The following PUS10 variants were observed in gnomAD, a reference collection of about 807,000 sequenced individuals.
PUS10 encodes tRNA pseudouridine synthase Pus10.
In PUS10, 59 loss-of-function variants were observed where a neutral mutation model predicts 75.0. That is an observed-to-expected ratio of 0.79 (90% CI 0.64 to 0.98). The LOEUF is 0.98. Ranked by LOEUF, PUS10 falls within the 50% of genes least tolerant of loss-of-function variation. The pLI is 0.00. For missense variants in PUS10, 650 were observed against 614.4 expected, an observed-to-expected ratio of 1.06 and a Z score of -0.61; for synonymous variants, 219 against 211.6, an observed-to-expected ratio of 1.03 and a Z score of -0.30.
intron 17 of PUS10, among the ~76,000 whole-genome samples, chr2:60,944,480 T>A (rs1164847943): frequency 2.0e-5 from 3 of 152,180 alleles, no homozygotes; most frequent in African/African-American, 7.2e-5. Flanking sequence ...CACTCGTGAC[T>A]CAACACCTAT....
At chr2:60,996,760 C>T (rs1281845114) in intron 4 of PUS10, among the ~76,000 whole-genome samples, 1 of 152,094 alleles carries the variant, frequency 6.6e-6, no homozygotes, top group Non-Finnish European at 1.5e-5. Context: ...GAAGTGGTCT[C>T]AATCTGTGAA....
At chr2:60,966,198 A>G (rs773667401) in intron 6 of PUS10, 1 of 152,168 alleles carries the variant, frequency 6.6e-6, no homozygotes, top group Non-Finnish European at 1.5e-5. Flanking sequence ...TTTAAGCTGT[A>G]GAAAATTTTT....
At chr2:60,951,754 T>C (rs1324462205) in intron 15 of PUS10, among the ~76,000 whole-genome samples, 3 of 152,200 alleles carry the variant, frequency 2.0e-5, no homozygotes, top group Non-Finnish European at 4.4e-5. Context: ...CACCAGGGGG[T>C]TGGGAACCAC....
chr2:60,982,516 G>A (rs552816442), intron 4 of PUS10, among the ~76,000 whole-genome samples: 1 of 152,234 alleles, frequency 6.6e-6, no homozygotes. Context: ...ATCTGCCTCA[G>A]CCTCCCAAAG....
At chr2:61,016,896 A>G (rs1680020818) in intron 1 of PUS10, among the ~76,000 whole-genome samples, 1 of 152,048 alleles carries the variant, frequency 6.6e-6, no homozygotes, top group Non-Finnish European at 1.5e-5. Flanking sequence ...ACGGAGAAAG[A>G]GGTGATCACA....
chr2:61,002,853 G>A (rs1191433775), intron 4 of PUS10, among the ~76,000 whole-genome samples: 4 of 152,122 alleles, frequency 2.6e-5, no homozygotes, highest in Non-Finnish European at 5.9e-5. Context: ...TAAGCATTAT[G>A]TCCCACAACT....
At chr2:60,946,736 G>T (rs925376104) in intron 16 of PUS10, among the ~76,000 whole-genome samples, 1 of 152,060 alleles carries the variant, frequency 6.6e-6, no homozygotes, top group African/African-American at 2.4e-5. Flanking sequence ...GTGAATGCAG[G>T]CTGGTGGGGA....
intron 11 of PUS10, among the ~76,000 whole-genome samples, chr2:60,957,460 C>T (rs1675750395): frequency 6.6e-6 from 1 of 152,222 alleles, no homozygotes; most frequent in Non-Finnish European, 1.5e-5. Flanking sequence ...CCCAGAGCAA[C>T]ACTGGGTTAA....
chr2:60,949,034 A>G (rs924750186), intron 15 of PUS10, among the ~76,000 whole-genome samples: 29 of 152,290 alleles, frequency 1.9e-4, no homozygotes, highest in Admixed American at 6.5e-4. Flanking sequence ...TCTCTCCTCT[A>G]TCAAGTTCTC....
chr2:60,979,516 G>A (rs1677252055), intron 4 of PUS10, among the ~76,000 whole-genome samples: 1 of 152,086 alleles, frequency 6.6e-6, no homozygotes, highest in South Asian at 2.1e-4. Flanking sequence ...GTTGACTCTT[G>A]CACCACCACC....
At chr2:61,000,853 T>A (rs1678806072) in intron 4 of PUS10, among the ~76,000 whole-genome samples, 1 of 152,142 alleles carries the variant, frequency 6.6e-6, no homozygotes, top group Non-Finnish European at 1.5e-5. Flanking sequence ...ACCAAAAAAA[T>A]TTGCAATCTC....
intron 11 of PUS10, 99 bp from the exon 12 acceptor site, chr2:60,955,173 A>G (rs1675572250): frequency 4.6e-6 from 3 of 651,258 alleles, no homozygotes; most frequent in Non-Finnish European, 5.1e-6. Flanking sequence ...GTCTTGAACA[A>G]TCTATAGGAG....
intron 5 of PUS10, among the ~76,000 whole-genome samples, chr2:60,969,175 G>A (rs186035791): frequency 6.6e-6 from 1 of 152,278 alleles, no homozygotes; most frequent in Admixed American, 6.5e-5. Flanking sequence ...ATCCTTCACA[G>A]TCTTTGAAAT....
In PUS10 at chr2:61,009,413, CTAGGT is replaced by C. The variant is rs1351821654; in HGVS notation, c.127-403_127-399del. Among the ~76,000 whole-genome samples, 4 of 152,138 alleles carry C rather than the reference CTAGGT, an allele frequency of 2.6e-5. No individual in the cohort carries two copies. The East Asian group carries it at 7.7e-4, about 29-fold the overall frequency. ...AGTACAAACTGAATTTCCATCCTTG[CTAGGT>C]TATTTAATAACCTCACAATCACTGA... On this transcript the variant is annotated intron_variant, in intron 2 of 17. Transcript: ENST00000316752.
chr2:61,011,690 A>G (rs932339206), intron 2 of PUS10, 75 bp downstream of exon 2: 1 of 1,149,560 alleles, frequency 8.7e-7, no homozygotes, highest in Non-Finnish European at 1.2e-6. Context: ...CTGCCCTCAA[A>G]AGTACAAGCA....
intron 5 of PUS10, among the ~76,000 whole-genome samples, chr2:60,969,733 A>G (rs1469248823): frequency 6.6e-6 from 1 of 152,192 alleles, no homozygotes; most frequent in East Asian, 1.9e-4. Context: ...TTTCTGTTCC[A>G]TTATCCCTAT....
At chr2:61,006,475 A>G (rs1317927335) in intron 4 of PUS10, 82 bp downstream of exon 4, 2 of 999,046 alleles carry the variant, frequency 2.0e-6, no homozygotes, top group Non-Finnish European at 3.1e-6. Flanking sequence ...TAATAGAGTA[A>G]GGAATATTTC....
intron 4 of PUS10, among the ~76,000 whole-genome samples, chr2:60,992,200 G>C (rs576304649): frequency 2.0e-5 from 3 of 152,044 alleles, no homozygotes; most frequent in Non-Finnish European, 4.4e-5. Context: ...ATTTTTAGTA[G>C]AGACGGGTTT....
chr2:61,008,660 G>C (rs538766996), intron 3 of PUS10, 101 bp downstream of exon 3: 5 of 1,011,024 alleles, frequency 4.9e-6, no homozygotes, highest in South Asian at 1.8e-5. Flanking sequence ...ACCCAAAAAA[G>C]AATTGTCTTG....
Sources: allele counts gnomAD v4.1 joint callset (sites outside exome capture counted in the v4.1 genomes callset), GRCh38; gene constraint gnomAD v4.1.1; transcripts MANE v1.5; gene names NCBI Gene and HGNC (gene_info 2026-07-23, HGNC 2026-07-21).